Variants in RANBP10 observed in about 807,000 individuals in gnomAD.
RANBP10 encodes the protein RAN binding protein 10.
In RANBP10, 24 loss-of-function variants were observed where a neutral mutation model predicts 72.8. That is an observed-to-expected ratio of 0.33 (90% CI 0.24 to 0.46). The LOEUF (loss-of-function observed/expected upper bound fraction) is 0.46, where lower values mean the gene tolerates loss of function less well. Among genes scored for constraint, RANBP10 ranks in the 20% least tolerant of loss-of-function variants. The pLI is 1.00. For missense variants in RANBP10, 679 were observed against 817.5 expected, an observed-to-expected ratio of 0.83 and a Z score of 2.07; for synonymous variants, 310 against 322.3, an observed-to-expected ratio of 0.96 and a Z score of 0.41.
At chr16:67,798,360 T>A (rs2055171633) in intron 2 of RANBP10, among the ~76,000 whole-genome samples, 1 of 152,104 alleles carries the variant, frequency 6.6e-6, no homozygotes, top group African/African-American at 2.4e-5. Flanking sequence ...GGTGAGGGGA[T>A]CCAGGGTGAG....
chr16:67,728,199 A>G (rs1183193577), intron 11 of RANBP10, among the ~76,000 whole-genome samples, 191 bp downstream of exon 11: 1 of 152,204 alleles, frequency 6.6e-6, no homozygotes. Flanking sequence ...GTCTTGGCAC[A>G]GGCCAGGGCC....
At chr16:67,740,125 C>T (rs2053939625) in intron 4 of RANBP10, among the ~76,000 whole-genome samples, 3 of 142,580 alleles carry the variant, frequency 2.1e-5, no homozygotes, top group South Asian at 2.3e-4. Flanking sequence ...TTCCCTGAGA[C>T]GGAGTCTTGC....
At chr16:67,763,040 A>C (rs1379876786) in intron 3 of RANBP10, among the ~76,000 whole-genome samples, 1 of 152,120 alleles carries the variant, frequency 6.6e-6, no homozygotes, top group African/African-American at 2.4e-5. Context: ...CAGAGCAGGG[A>C]GTGTCAGCAG....
rs2053699834 is a variant in RANBP10 at position 67,730,216 on chromosome 16, G to A, written c.890-170C>T. On this transcript the variant is annotated intron_variant, in intron 7 of 13. Transcript: ENST00000317506. The surrounding 1 kb of genome is among the most constrained non-coding windows in gnomAD (Gnocchi z 4.3). ...AAGAACCTGACTGCCCAGCCCAACA[G>A]ATCCTGGTTTCTGCCAAGTGTCAGA... Among the ~76,000 whole-genome samples, 1 of 152,320 alleles carries A rather than the reference G, an allele frequency of 6.6e-6. No individual in the cohort carries two copies. The highest frequency in any genetic ancestry group is 1.5e-5 in the Non-Finnish European group (1 of 68,012).
At chr16:67,790,878 T>C (rs1410881531) in intron 2 of RANBP10, among the ~76,000 whole-genome samples, 1 of 151,376 alleles carries the variant, frequency 6.6e-6, no homozygotes, top group Admixed American at 6.6e-5. Flanking sequence ...TTTTGTATTT[T>C]TAGTAGAGAC....
intron 4 of RANBP10, among the ~76,000 whole-genome samples, chr16:67,741,109 A>G (rs542488195): frequency 4.7e-4 from 72 of 152,274 alleles, no homozygotes; most frequent in Non-Finnish European, 4.0e-4. Context: ...AAAAAAAGAG[A>G]TAATATCGAT....
chr16:67,729,667 G>A lies in RANBP10; in HGVS notation c.1147+13C>T. ...CACCAGTTCTTCCCAGAGCCCTCTG[G>A]AGAGTGGCTGACCTGTGTTGTGCAT... is the stretch of plus-strand genomic sequence containing the variant. On this transcript the variant is annotated intron_variant, in intron 9 of 13. Coordinates refer to ENST00000317506, the MANE Select transcript of RANBP10 (RefSeq NM_020850.3). This position sits in a 1 kb window ranked among gnomAD's most constrained non-coding sequence, Gnocchi z 7.1. 6.2e-7 allele frequency: 1 copy of A among 1,604,812 alleles called. No homozygotes were observed. The highest frequency in any genetic ancestry group is 8.5e-7 in the Non-Finnish European group (1 of 1,175,300).
At chr16:67,736,362 T>C (rs895841226) in intron 5 of RANBP10, among the ~76,000 whole-genome samples, 2 of 152,202 alleles carry the variant, frequency 1.3e-5, no homozygotes, top group South Asian at 2.1e-4. Context: ...GGTTTCTCCA[T>C]GTTGGTCAGG....
At chr16:67,771,932 C>A in intron 3 of RANBP10, 102 bp downstream of exon 3, 1 of 1,364,400 alleles carries the variant, frequency 7.3e-7, no homozygotes, top group Non-Finnish European at 1.0e-6. Context: ...AGGTAGGCAG[C>A]TAGCAAACAA....
chr16:67,805,278 G>A (rs752110864), intron 2 of RANBP10, 150 bp downstream of exon 2: 1 of 610,548 alleles, frequency 1.6e-6, no homozygotes, highest in Non-Finnish European at 2.8e-6. Flanking sequence ...GCTTAGACCA[G>A]ACCATGCCCA....
rs138529417 is a variant in RANBP10 at position 67,734,921 on chromosome 16, T to C, written c.713A>G (p.Gln238Arg). The C allele has an allele frequency of 1.1e-5, 17 of 1,613,694 alleles. No homozygotes were observed. In the African/African-American group the frequency reaches 2.0e-4, roughly 19 times the overall value. Residue 238 changes from glutamine to arginine, a missense_variant, in exon 6 of 14, where the codon CAG becomes CGG. Coordinates refer to ENST00000317506, the MANE Select transcript of RANBP10 (RefSeq NM_020850.3). ...DYMREWRAKV[Q>R]GTVHCFPISA... ...GATGGGGAAGCAGTGGACCGTGCCC[T>C]GGACCTTGGCACGCCACTCCCGCAT...
chr16:67,793,704 A>G (rs2055074181), intron 2 of RANBP10, among the ~76,000 whole-genome samples: 1 of 152,120 alleles, frequency 6.6e-6, no homozygotes. Context: ...CTAAGTCTTG[A>G]TAATTTTATA....
Position 67,799,770 on chromosome 16 carries a change from G to A in RANBP10, c.347+5658C>T, listed in dbSNP as rs187574277. ...GGCCACCCCTGGATATGACACATAC[G>A]GTGGCCTGACCCTTCGACACCACCG... On this transcript the variant is annotated intron_variant, in intron 2 of 13. Transcript: ENST00000317506. Among the ~76,000 whole-genome samples the A allele has an allele frequency of 4.0e-3, 603 of 152,104 alleles. 4 individuals carry two copies. Among genetic ancestry groups the A allele is most frequent in the African/African-American group, 0.013 (552 of 41,504 alleles).
intron 3 of RANBP10, among the ~76,000 whole-genome samples, chr16:67,751,131 T>C (rs1292596833): frequency 6.6e-6 from 1 of 152,214 alleles, no homozygotes; most frequent in Non-Finnish European, 1.5e-5. Flanking sequence ...ATTTGGTCAT[T>C]TGATTTATGA....
chr16:67,727,503 C>T, intron 12 of RANBP10, 65 bp from the exon 13 acceptor site: 1 of 1,489,178 alleles, frequency 6.7e-7, no homozygotes. Flanking sequence ...CTACCCGTGG[C>T]TCCAGAGGGA....
intron 2 of RANBP10, among the ~76,000 whole-genome samples, chr16:67,798,956 C>T (rs1410881102): frequency 1.3e-5 from 2 of 152,196 alleles, no homozygotes; most frequent in African/African-American, 4.8e-5. Flanking sequence ...GACAGAGTCT[C>T]ACTCTGTCAC....
intron 3 of RANBP10, among the ~76,000 whole-genome samples, chr16:67,749,672 C>A (rs190436589): frequency 3.2e-4 from 49 of 152,278 alleles, no homozygotes; most frequent in Non-Finnish European, 6.0e-4. Context: ...AGAAATAGCT[C>A]TTTTGGGACA....
In RANBP10 at chr16:67,731,717, G is replaced by A. The variant is rs189892263; in HGVS notation, c.777-133C>T. On this transcript the variant is annotated intron_variant, in intron 6 of 13. Transcript: ENST00000317506. ...CCTGGAGGTGTAACCTCCACAGAAT[G>A]AGAATAAAGGGGCTGAAACAAAATG... 273 of 631,606 alleles carry A rather than the reference G, an allele frequency of 4.3e-4. No homozygotes were observed. In the African/African-American group the frequency reaches 4.3e-3, roughly 10 times the overall value. 39.1% of individuals were successfully genotyped at this position (631,606 alleles called of 1,614,324 possible).
intron 4 of RANBP10, 29 bp from the exon 5 acceptor site, chr16:67,738,064 G>T: frequency 6.3e-7 from 1 of 1,575,260 alleles, no homozygotes; most frequent in South Asian, 1.2e-5. Context: ...AGTCATCAGG[G>T]CCAGCCCCTG....
Sources: allele counts gnomAD v4.1 joint callset (sites outside exome capture counted in the v4.1 genomes callset), GRCh38; gene constraint gnomAD v4.1.1; non-coding constraint Gnocchi (gnomAD v3.1); transcripts MANE v1.5; gene names NCBI Gene and HGNC (gene_info 2026-07-23, HGNC 2026-07-21).